Variants in SPATA16 observed in about 807,000 individuals in gnomAD.
SPATA16 encodes the protein spermatogenesis-associated protein 16.
A neutral mutation model predicts 63.3 loss-of-function variants in SPATA16; 36 were observed. That is an observed-to-expected ratio of 0.57 (90% CI 0.44 to 0.75). The LOEUF (loss-of-function observed/expected upper bound fraction) is 0.75, where lower values mean the gene tolerates loss of function less well. Among genes scored for constraint, SPATA16 ranks in the 30% least tolerant of loss-of-function variants. The pLI is 0.00. For synonymous variants in SPATA16, 203 were observed against 216.7 expected (o/e 0.94, Z 0.56); for missense variants, 646 against 679.3 (o/e 0.95, Z 0.54).
chr3:173,083,989 T>C (rs1736984885), intron 2 of SPATA16, among the ~76,000 whole-genome samples: 1 of 152,182 alleles, frequency 6.6e-6, no homozygotes, highest in Non-Finnish European at 1.5e-5. Context: ...TAAATATGCA[T>C]GCATGTATCT....
intron 1 of SPATA16, among the ~76,000 whole-genome samples, chr3:173,122,219 A>C (rs532087965): frequency 6.6e-6 from 1 of 152,322 alleles, no homozygotes; most frequent in South Asian, 2.1e-4. Context: ...AACAAAGAGA[A>C]GTTAATGTTC....
At chr3:173,078,186 A>G (rs963931726) in intron 2 of SPATA16, among the ~76,000 whole-genome samples, 13 of 152,194 alleles carry the variant, frequency 8.5e-5, no homozygotes, top group African/African-American at 2.9e-4. Context: ...CATCATCACA[A>G]CGCTTTAGTA....
intron 5 of SPATA16, among the ~76,000 whole-genome samples, chr3:172,958,251 A>G (rs534332233): frequency 2.0e-5 from 3 of 152,238 alleles, no homozygotes; most frequent in Non-Finnish European, 2.9e-5. Context: ...CCTGGATGCC[A>G]GCTTTGGAAG....
chr3:173,021,795 C>G (rs1335842780), intron 3 of SPATA16, among the ~76,000 whole-genome samples: 2 of 150,808 alleles, frequency 1.3e-5, no homozygotes, highest in Non-Finnish European at 3.0e-5. Context: ...GAGGTGTACT[C>G]CCTATTACTT....
intron 2 of SPATA16, among the ~76,000 whole-genome samples, chr3:173,090,851 G>T (rs1277432855): frequency 6.6e-6 from 1 of 152,176 alleles, no homozygotes; most frequent in Non-Finnish European, 1.5e-5. Flanking sequence ...AGCCATGAAT[G>T]GGACCAGAAG....
chr3:173,007,121 C>A (rs1000511083), intron 4 of SPATA16, among the ~76,000 whole-genome samples: 3 of 152,036 alleles, frequency 2.0e-5, no homozygotes, highest in African/African-American at 7.2e-5. Context: ...AAAACAAAAG[C>A]AATTGTAATC....
intron 6 of SPATA16, among the ~76,000 whole-genome samples, chr3:172,929,361 T>C (rs1732814201): frequency 6.6e-6 from 1 of 152,230 alleles, no homozygotes; most frequent in African/African-American, 2.4e-5. Flanking sequence ...AATCTTTCAA[T>C]TTCTTTTCCC....
At chr3:172,977,831 T>G (rs1734200665) in intron 4 of SPATA16, among the ~76,000 whole-genome samples, 1 of 152,298 alleles carries the variant, frequency 6.6e-6, no homozygotes, top group East Asian at 1.9e-4. Context: ...AATAATCCTG[T>G]GTACCTAATC....
At chr3:172,991,932 A>G (rs1275565958) in intron 4 of SPATA16, among the ~76,000 whole-genome samples, 1 of 152,194 alleles carries the variant, frequency 6.6e-6, no homozygotes, top group Non-Finnish European at 1.5e-5. Flanking sequence ...TATAGTATTT[A>G]TATTACTTGG....
intron 5 of SPATA16, among the ~76,000 whole-genome samples, chr3:172,959,716 T>C (rs1209296659): frequency 2.6e-5 from 4 of 151,140 alleles, no homozygotes; most frequent in Non-Finnish European, 5.9e-5. Context: ...TTTTTATTCT[T>C]CTAGAGACAG....
intron 2 of SPATA16, among the ~76,000 whole-genome samples, chr3:173,064,719 G>A (rs1464097354): frequency 1.3e-5 from 2 of 152,144 alleles, no homozygotes; most frequent in Non-Finnish European, 2.9e-5. Context: ...TAAGACAACT[G>A]TGCAAGCATA....
intron 2 of SPATA16, among the ~76,000 whole-genome samples, chr3:173,051,885 C>T (rs112989323): frequency 0.013 from 1,913 of 151,908 alleles, 44 homozygotes; most frequent in African/African-American, 0.044. Context: ...CATCTCGACT[C>T]ACTGCAGCCT....
chr3:172,894,318 C>T (rs992593424), intron 10 of SPATA16, among the ~76,000 whole-genome samples: 2 of 152,032 alleles, frequency 1.3e-5, no homozygotes, highest in South Asian at 2.1e-4. Flanking sequence ...GTTGTTTCTA[C>T]TATTCATAAT....
chr3:173,135,221 T>G (rs1738510701), intron 1 of SPATA16, among the ~76,000 whole-genome samples: 1 of 152,170 alleles, frequency 6.6e-6, no homozygotes, highest in South Asian at 2.1e-4. Flanking sequence ...TTAACTCCCA[T>G]TAGTCATCAA....
intron 5 of SPATA16, among the ~76,000 whole-genome samples, chr3:172,969,928 T>C (rs1238952727): frequency 1.3e-5 from 2 of 152,198 alleles, no homozygotes; most frequent in Admixed American, 6.5e-5. Context: ...CAGGTAATCA[T>C]TGGACAAAGG....
chr3:172,966,693 T>C lies in SPATA16; in HGVS notation c.934-9869A>G, dbSNP rs544929261. Among the ~76,000 whole-genome samples, 422 of 152,276 alleles carry C rather than the reference T, an allele frequency of 2.8e-3. 3 individuals are homozygous for C. The highest frequency in any genetic ancestry group is 9.4e-3 in the African/African-American group (392 of 41,562). On this transcript the variant is annotated intron_variant, in intron 5 of 10. Transcript: ENST00000351008. Reference sequence around the variant, plus strand: ...AAAATTAGCGAAGAAAATACAATCATATGAATTCAAGAAAAGAGGAGAATT... The same window carrying C: ...AAAATTAGCGAAGAAAATACAATCACATGAATTCAAGAAAAGAGGAGAATT...
At chr3:172,964,237 CT>C (rs1440558495) in intron 5 of SPATA16, among the ~76,000 whole-genome samples, 2 of 152,154 alleles carry the variant, frequency 1.3e-5, no homozygotes, top group Non-Finnish European at 1.5e-5. Flanking sequence ...AGATGAATGG[CT>C]TTTTGATAGG....
chr3:172,930,428 C>T (rs771969656), intron 6 of SPATA16, among the ~76,000 whole-genome samples: 6 of 152,112 alleles, frequency 3.9e-5, no homozygotes, highest in Non-Finnish European at 7.3e-5. Flanking sequence ...TCAGAAACAA[C>T]TACCTAGTCT....
rs886058187 is a variant in SPATA16, at chr3:173,117,186, A to G, written c.546T>C (p.Asp182=). Residue 182 remains aspartate, a synonymous_variant, in exon 2 of 11, where the codon GAT becomes GAC. Transcript: ENST00000351008. ...IDKWLQVALK[D]ASSCYRQKKY... ...TCTTTTGTCTATAGCAAGAGCTGGC[A>G]TCCTTTAAGGCTACCTGAAGCCATT... 17 of 1,614,026 alleles carry G rather than the reference A, an allele frequency of 1.1e-5. No individual in the cohort carries two copies. Among genetic ancestry groups the G allele is most frequent in the Non-Finnish European group, 1.4e-5 (16 of 1,180,006 alleles).
Sources: allele counts gnomAD v4.1 joint callset (sites outside exome capture counted in the v4.1 genomes callset), GRCh38; gene constraint gnomAD v4.1.1; transcripts MANE v1.5; gene names NCBI Gene and HGNC (gene_info 2026-07-23, HGNC 2026-07-21).